Variants in SUCLG2 observed in about 807,000 individuals in gnomAD.
The protein encoded by SUCLG2 is succinate--CoA ligase [GDP-forming] subunit beta, mitochondrial.
A neutral mutation model predicts 47.9 loss-of-function variants in SUCLG2; 42 were observed. The ratio of observed to expected loss-of-function variants is 0.88; its 90% CI spans 0.69 to 1.14. The LOEUF is 1.14. SUCLG2 is among the 50% of genes most tolerant of loss of function. The pLI is 0.00. For synonymous variants in SUCLG2, 195 were observed against 197.3 expected, an observed-to-expected ratio of 0.99 and a Z score of 0.10; for missense variants, 571 against 525.9, an observed-to-expected ratio of 1.09 and a Z score of -0.84.
At chr3:67,543,958 G>C (rs1262668156) in intron 2 of SUCLG2, among the ~76,000 whole-genome samples, 2 of 152,114 alleles carry the variant, frequency 1.3e-5, no homozygotes, top group Admixed American at 1.3e-4. Context: ...GATATCTTAA[G>C]GACACATGGC....
At chr3:67,379,806 C>G (rs988767788) in intron 10 of SUCLG2, among the ~76,000 whole-genome samples, 1 of 152,212 alleles carries the variant, frequency 6.6e-6, no homozygotes, top group African/African-American at 2.4e-5. Context: ...CTAATCACCA[C>G]CTCCCCATGC....
intron 10 of SUCLG2, among the ~76,000 whole-genome samples, chr3:67,387,096 C>T (rs951089412): frequency 3.9e-5 from 6 of 152,072 alleles, no homozygotes; most frequent in African/African-American, 1.4e-4. Context: ...ATAATAATCA[C>T]AAAGGAAAAA....
chr3:67,574,031 T>G (rs1244142556), intron 2 of SUCLG2, among the ~76,000 whole-genome samples: 1 of 152,194 alleles, frequency 6.6e-6, no homozygotes. Context: ...TTGCTGACAG[T>G]TCTCAGCTAC....
At chr3:67,639,848 A>G (rs1701069507) in intron 1 of SUCLG2, among the ~76,000 whole-genome samples, 2 of 152,180 alleles carry the variant, frequency 1.3e-5, no homozygotes, top group African/African-American at 4.8e-5. Flanking sequence ...AACAATAAGA[A>G]AAGTCTTGGG....
rs2107147722 is a variant in SUCLG2, at chr3:67,529,294, G to A, written c.227-108C>T. ...CATAACTTCCAAGTAACTGGTAAAAGCTCTCTCAAACTAACTTTGAAAATA... is the reference window on the plus strand; with the variant it reads ...CATAACTTCCAAGTAACTGGTAAAAACTCTCTCAAACTAACTTTGAAAATA... On this transcript the variant is annotated intron_variant, in intron 2 of 10. Coordinates refer to ENST00000307227, the MANE Select transcript of SUCLG2 (RefSeq NM_003848.4). 5.2e-6 allele frequency: 4 copies of A among 772,952 alleles called. No homozygotes were observed. The South Asian group carries it at 7.2e-5, about 14-fold the overall frequency. The allele number at this position is 772,952 out of a possible 1,614,324, so 47.9% of individuals were successfully genotyped here.
chr3:67,452,648 C>CAG (rs1704083505), intron 9 of SUCLG2, among the ~76,000 whole-genome samples: 1 of 152,190 alleles, frequency 6.6e-6, no homozygotes, highest in Non-Finnish European at 1.5e-5. Context: ...CCTTCCCACT[C>CAG]TTCCTCCTTT....
intron 9 of SUCLG2, among the ~76,000 whole-genome samples, chr3:67,439,248 A>C (rs1479867785): frequency 6.6e-6 from 1 of 152,230 alleles, no homozygotes; most frequent in Non-Finnish European, 1.5e-5. Flanking sequence ...CAAAATAATA[A>C]GAGCTATTTA....
chr3:67,516,393 G>A (rs9832485), intron 6 of SUCLG2, among the ~76,000 whole-genome samples: 3,542 of 152,152 alleles, frequency 0.023, 139 homozygotes, highest in African/African-American at 0.081. Flanking sequence ...TAATTTTCTC[G>A]TATAATATGT....
At chr3:67,364,594 C>T (rs542363387) in intron 10 of SUCLG2, among the ~76,000 whole-genome samples, 3 of 152,258 alleles carry the variant, frequency 2.0e-5, no homozygotes, top group Admixed American at 1.3e-4. Flanking sequence ...TGATAAGGAG[C>T]CTCACTTCAG....
intron 1 of SUCLG2, among the ~76,000 whole-genome samples, chr3:67,639,945 T>G (rs558975901): frequency 6.6e-6 from 1 of 152,228 alleles, no homozygotes; most frequent in South Asian, 2.1e-4. Flanking sequence ...AGTATCAGTT[T>G]ATTTATGATG....
chr3:67,408,670 A>G, intron 9 of SUCLG2: 3 of 1,122,672 alleles, frequency 2.7e-6, no homozygotes, highest in Non-Finnish European at 3.3e-6. Context: ...TAAATTCTTC[A>G]CTTTACTTAT....
intron 10 of SUCLG2, among the ~76,000 whole-genome samples, chr3:67,399,548 T>G (rs1395563972): frequency 2.6e-5 from 4 of 152,222 alleles, no homozygotes; most frequent in Non-Finnish European, 4.4e-5. Flanking sequence ...AATGTGCACC[T>G]GCCCTGTGAA....
intron 1 of SUCLG2, among the ~76,000 whole-genome samples, chr3:67,609,918 C>T (rs1700498289): frequency 6.6e-6 from 1 of 152,104 alleles, no homozygotes; most frequent in African/African-American, 2.4e-5. Flanking sequence ...CATGAGGTGT[C>T]AGCATTAGGG....
intron 2 of SUCLG2, among the ~76,000 whole-genome samples, chr3:67,577,716 G>A (rs538092911): frequency 1.8e-4 from 27 of 152,288 alleles, no homozygotes; most frequent in African/African-American, 6.0e-4. Context: ...GGAATGGCAA[G>A]AAAGAAGGCA....
At chr3:67,428,565 G>A (rs369448829) in intron 9 of SUCLG2, among the ~76,000 whole-genome samples, 26 of 152,268 alleles carry the variant, frequency 1.7e-4, no homozygotes, top group African/African-American at 4.8e-4. Context: ...GCAGCTCCTC[G>A]CCAGCAATGG....
chr3:67,450,701 G>C (rs1365049806), intron 9 of SUCLG2, among the ~76,000 whole-genome samples: 1 of 152,174 alleles, frequency 6.6e-6, no homozygotes, highest in Non-Finnish European at 1.5e-5. Context: ...CCTAGAGGGA[G>C]TTCTCTCAAG....
At chr3:67,528,380 G>A (rs1444682807) in intron 3 of SUCLG2, among the ~76,000 whole-genome samples, 158 bp from the exon 4 acceptor site, 2 of 152,190 alleles carry the variant, frequency 1.3e-5, no homozygotes, top group African/African-American at 2.4e-5. Flanking sequence ...GTTTAGCACT[G>A]TACTAGAGGC....
exon 11 of SUCLG2, chr3:67,360,494 C>T: frequency 1.2e-6 from 1 of 850,348 alleles, no homozygotes; most frequent in Non-Finnish European, 1.7e-6. Flanking sequence ...GGTGAATGAA[C>T]AGCTATAAGC....
At chr3:67,384,801 C>A (rs1702226734) in intron 10 of SUCLG2, among the ~76,000 whole-genome samples, 1 of 152,236 alleles carries the variant, frequency 6.6e-6, no homozygotes, top group African/African-American at 2.4e-5. Context: ...AACTCTTTTT[C>A]CACTGAGCTG....
Sources: allele counts gnomAD v4.1 joint callset (sites outside exome capture counted in the v4.1 genomes callset), GRCh38; gene constraint gnomAD v4.1.1; transcripts MANE v1.5; gene names NCBI Gene and HGNC (gene_info 2026-07-23, HGNC 2026-07-21).